The following RFX8 variants were observed in gnomAD, a reference collection of about 807,000 sequenced individuals.
RFX8 encodes regulatory factor X8, also known as DNA-binding protein RFX8.
In RFX8, 46 loss-of-function variants were observed where a neutral mutation model predicts 54.6. The ratio of observed to expected loss-of-function variants is 0.84; its 90% CI spans 0.67 to 1.08. The LOEUF (loss-of-function observed/expected upper bound fraction) is 1.08. RFX8 is among the 50% of genes least tolerant of loss of function. The pLI, the probability that RFX8 is intolerant of heterozygous loss-of-function variation, is 0.00. For synonymous variants in RFX8, 192 were observed against 209.5 expected, an observed-to-expected ratio of 0.92 and a Z score of 0.72; for missense variants, 536 against 562.3, an observed-to-expected ratio of 0.95 and a Z score of 0.47.
chr2:101,441,406 T>G (rs1033112534), intron 2 of RFX8, among the ~76,000 whole-genome samples: 1 of 152,206 alleles, frequency 6.6e-6, no homozygotes, highest in Non-Finnish European at 1.5e-5. Context: ...GGAATGAGAC[T>G]GGTGGCTTTG....
chr2:101,400,268 C>T (rs530630027), intron 11 of RFX8, among the ~76,000 whole-genome samples: 151 of 152,292 alleles, frequency 9.9e-4, no homozygotes, highest in African/African-American at 3.4e-3. Flanking sequence ...CCTTCTCCTT[C>T]GCCCACTTCC....
At position 101,472,411 on chromosome 2, in the gene RFX8, T is replaced by C. The variant is rs541320201; in HGVS notation, c.-53+2225A>G. On this transcript the variant is annotated intron_variant, in intron 1 of 11. Coordinates refer to ENST00000428343, the MANE Select transcript of RFX8 (RefSeq NM_001145664.2). ...GCCACCGCACCCGGCCTCAACGATC[T>C]GTTAAACATACCACCTCATCAACTG... Among the ~76,000 whole-genome samples, 4 of 152,266 alleles carry C rather than the reference T, an allele frequency of 2.6e-5. No individual in the cohort carries two copies. In the East Asian group the frequency reaches 5.8e-4, roughly 22 times the overall value.
At chr2:101,465,736 A>G (rs1045880016) in intron 2 of RFX8, among the ~76,000 whole-genome samples, 14 of 152,200 alleles carry the variant, frequency 9.2e-5, no homozygotes, top group Non-Finnish European at 1.9e-4. Flanking sequence ...AAAAATACTT[A>G]AGGTTGTTTC....
intron 2 of RFX8, among the ~76,000 whole-genome samples, chr2:101,431,378 G>A (rs1338018968): frequency 6.6e-6 from 1 of 152,162 alleles, no homozygotes; most frequent in Non-Finnish European, 1.5e-5. Flanking sequence ...ACATCAGGGG[G>A]CCATCCTATT....
chr2:101,436,257 TTGG>T (rs1475089430), intron 2 of RFX8, among the ~76,000 whole-genome samples: 1 of 152,200 alleles, frequency 6.6e-6, no homozygotes, highest in East Asian at 1.9e-4. Flanking sequence ...TTTGGAGTAC[TTGG>T]TGGTAGTGAG....
intron 11 of RFX8, 72 bp from the exon 12 acceptor site, chr2:101,397,796 A>T: frequency 7.7e-7 from 1 of 1,298,912 alleles, no homozygotes; most frequent in African/African-American, 1.5e-5. Context: ...AGGAACTACC[A>T]TTTGAATTCT....
intron 9 of RFX8, among the ~76,000 whole-genome samples, chr2:101,408,701 G>C (rs1319935610): frequency 3.3e-5 from 5 of 152,182 alleles, no homozygotes; most frequent in African/African-American, 1.2e-4. Flanking sequence ...ACAGAATCTG[G>C]GATAATTATT....
chr2:101,429,974 A>G (rs1281894994), intron 2 of RFX8, among the ~76,000 whole-genome samples: 1 of 152,196 alleles, frequency 6.6e-6, no homozygotes, highest in Non-Finnish European at 1.5e-5. Flanking sequence ...GGTTTGGGTC[A>G]GTCCATTCTC....
chr2:101,469,889 C>T (rs1259275793), intron 1 of RFX8, among the ~76,000 whole-genome samples: 1 of 152,128 alleles, frequency 6.6e-6, no homozygotes, highest in Non-Finnish European at 1.5e-5. Context: ...GAAAGGGCTG[C>T]CTTCGGATGT....
chr2:101,418,461 A>C (rs1686665477), intron 5 of RFX8, among the ~76,000 whole-genome samples: 1 of 152,228 alleles, frequency 6.6e-6, no homozygotes, highest in Admixed American at 6.5e-5. Context: ...CTCCAAATAC[A>C]ATCACTTTAG....
intron 9 of RFX8, among the ~76,000 whole-genome samples, chr2:101,408,236 A>G (rs992888474): frequency 2.0e-5 from 3 of 152,246 alleles, no homozygotes; most frequent in African/African-American, 7.2e-5. Context: ...CTGTAATCCC[A>G]GCACTTTGGG....
Position 101,408,466 on chromosome 2 carries a change from C to T in RFX8, c.813+2153G>A, listed in dbSNP as rs967032430. Among the ~76,000 whole-genome samples the T allele has an allele frequency of 2.0e-5, 3 of 147,392 alleles. No individual in the cohort carries two copies. The East Asian group carries it at 6.0e-4, about 30-fold the overall frequency. ...CGCCACTGCACTCCAGCCTGGGCGACAGCGAGACTCCGTCTCAAAAAAAAA... is the reference window on the plus strand; with the variant it reads ...CGCCACTGCACTCCAGCCTGGGCGATAGCGAGACTCCGTCTCAAAAAAAAA... On this transcript the variant is annotated intron_variant, in intron 9 of 11. Transcript: ENST00000428343.
intron 2 of RFX8, among the ~76,000 whole-genome samples, chr2:101,431,092 CTCCA>C (rs1687456012): frequency 6.7e-6 from 1 of 150,194 alleles, no homozygotes; most frequent in Non-Finnish European, 1.5e-5. Context: ...ATACACTGAG[CTCCA>C]TCCATCCATT....
intron 6 of RFX8, among the ~76,000 whole-genome samples, chr2:101,415,851 G>A (rs1686467460): frequency 6.6e-6 from 1 of 152,232 alleles, no homozygotes; most frequent in African/African-American, 2.4e-5. Context: ...CTGGAAGAAG[G>A]TATTGAGGAA....
intron 6 of RFX8, among the ~76,000 whole-genome samples, chr2:101,415,727 C>G (rs1012936775): frequency 6.6e-6 from 1 of 152,238 alleles, no homozygotes; most frequent in African/African-American, 2.4e-5. Context: ...GACAGCCCTT[C>G]CCTACAAAGG....
In RFX8 at chr2:101,402,749, G is replaced by A; in HGVS notation, c.932C>T (p.Ser311Phe). The A allele has an allele frequency of 2.6e-6, 4 of 1,542,604 alleles. No homozygotes were observed. Among genetic ancestry groups the A allele is most frequent in the Non-Finnish European group, 3.5e-6 (4 of 1,140,122 alleles). ...MTLCHRDSFG[S>F]WHLFHLLLLE... The stretch of plus-strand genomic sequence containing the variant: ...AAGCAACAAGTGAAACAGATGCCAG[G>A]AGCCTACATTTAGATAATAACCAAA... The change falls in exon 11 of 12, where the codon TCC becomes TTC. Residue 311 changes from serine (S) to phenylalanine (F), a missense_variant. Ser to Phe is a radical substitution (Grantham distance 155). Coordinates refer to ENST00000428343, the MANE Select transcript of RFX8 (RefSeq NM_001145664.2).
chr2:101,438,815 A>C (rs72825087), intron 2 of RFX8, among the ~76,000 whole-genome samples: 7,085 of 151,926 alleles, frequency 0.047, 239 homozygotes, highest in Middle Eastern at 0.085. Flanking sequence ...TGTTTTATTT[A>C]TTTCTTTCTT....
rs528641970 is a variant in RFX8 at position 101,419,083 on chromosome 2, T to C, written c.238-119A>G. ...ATGGGATGAATTTTGTTCCAGTGCGTGTAAAGCTTTGCCTCTCAGCTTTTC... is the reference window on the plus strand; with the variant it reads ...ATGGGATGAATTTTGTTCCAGTGCGCGTAAAGCTTTGCCTCTCAGCTTTTC... On this transcript the variant is annotated intron_variant, in intron 4 of 11. Transcript: ENST00000428343. 621 of 616,636 alleles carry C rather than the reference T, an allele frequency of 1.0e-3. 7 individuals carry two copies. The highest frequency in any genetic ancestry group is 5.7e-4 in the South Asian group (29 of 51,182). The allele number at this position is 616,636 out of a possible 1,614,324, so 38.2% of individuals were successfully genotyped here.
chr2:101,446,418 CT>C (rs1219176911), intron 2 of RFX8, among the ~76,000 whole-genome samples: 1 of 120,632 alleles, frequency 8.3e-6, no homozygotes, highest in Non-Finnish European at 2.0e-5. Flanking sequence ...TCGTGATCCA[CT>C]CGCCTTGGTC....
Sources: gnomAD v4.1 joint callset for allele counts (sites outside exome capture counted in the v4.1 genomes callset) on GRCh38, gnomAD v4.1.1 for gene constraint, MANE v1.5 for transcripts, NCBI Gene and HGNC (gene_info 2026-07-23, HGNC 2026-07-21) for gene names.